The following TPTE2 variants were observed in gnomAD, a reference collection of about 807,000 sequenced individuals.
TPTE2 encodes phosphatidylinositol 3,4,5-trisphosphate 3-phosphatase TPTE2.
Under a neutral mutation model 78.6 loss-of-function variants are expected in TPTE2, and 53 were observed. The observed-to-expected ratio is 0.67, with a 90% CI of 0.54 to 0.85. TPTE2 has a LOEUF of 0.85. Ranked by LOEUF, TPTE2 falls within the 40% of genes least tolerant of loss-of-function variation. The pLI is 0.00. For synonymous variants in TPTE2, 175 were observed against 206.2 expected (o/e 0.85, Z 1.30); for missense variants, 461 against 623.0 (o/e 0.74, Z 2.77).
chr13:19,472,529 T>C (rs1450929450), intron 6 of TPTE2, among the ~76,000 whole-genome samples: 1 of 152,246 alleles, frequency 6.6e-6, no homozygotes, highest in Non-Finnish European at 1.5e-5. Flanking sequence ...TTAATTTCTT[T>C]GTTAAACTTA....
Position 19,486,107 on chromosome 13 carries a change from T to C in TPTE2, c.120-3560A>G, listed in dbSNP as rs1880648536. ...CACGGTTGCTGTGTTTCTAAATTGA[T>C]TTCTATGCATCTGGTGAAAAAGTCA... On this transcript the variant is annotated intron_variant, in intron 3 of 19. Transcript: ENST00000400230. This position sits in a 1 kb window ranked among gnomAD's most constrained non-coding sequence, Gnocchi z 4.3. 6.6e-6 allele frequency among the ~76,000 whole-genome samples: 1 copy of C among 152,186 alleles called. No homozygotes were observed. The highest frequency in any genetic ancestry group is 2.4e-5 in the African/African-American group (1 of 41,436).
chr13:19,537,067 A>T (rs1871255476), upstream of TPTE2, among the ~76,000 whole-genome samples: 1 of 151,800 alleles, frequency 6.6e-6, no homozygotes, highest in Admixed American at 6.6e-5. Flanking sequence ...TGGCCTTCTA[A>T]GGGTTATGCA....
chr13:19,424,983 A>C (rs764282030), exon 19 of TPTE2: 23 of 1,546,124 alleles, frequency 1.5e-5, no homozygotes, highest in Non-Finnish European at 1.9e-5. Context: ...GAACCAGAAG[A>C]AAAATGGACA....
intron 8 of TPTE2, 53 bp downstream of exon 11, chr13:19,465,412 G>C (rs1879203212): frequency 1.2e-6 from 2 of 1,607,524 alleles, no homozygotes; most frequent in Admixed American, 3.4e-5. Context: ...TTGCCAATGG[G>C]TCCCAAAACA....
intron 2 of TPTE2, 147 bp downstream of exon 5, chr13:19,493,301 C>G: frequency 6.9e-6 from 5 of 725,130 alleles, no homozygotes; most frequent in Non-Finnish European, 1.2e-5. Context: ...TTTGTGTACG[C>G]GTGTTGAAGA....
At chr13:19,457,892 C>G (rs930857612) in intron 10 of TPTE2, among the ~76,000 whole-genome samples, 1 of 152,038 alleles carries the variant, frequency 6.6e-6, no homozygotes, top group African/African-American at 2.4e-5. Flanking sequence ...ATAGTTAAGG[C>G]CAAAAATACA....
chr13:19,497,957 G>A (rs1714460453), intron 1 of TPTE2, among the ~76,000 whole-genome samples: 1 of 151,770 alleles, frequency 6.6e-6, no homozygotes, highest in South Asian at 2.1e-4. Context: ...GTGCTTAAAG[G>A]AGCTGACGGA....
the TPTE2 span, among the ~76,000 whole-genome samples, chr13:19,553,099 C>A: frequency 3.3e-5 from 5 of 150,848 alleles, no homozygotes; most frequent in Non-Finnish European, 7.4e-5. Flanking sequence ...CTACTGTTAA[C>A]AACCAAAGAA....
chr13:19,536,330 T>A (rs1379525123), intron 1 of TPTE2, among the ~76,000 whole-genome samples: 1 of 152,170 alleles, frequency 6.6e-6, no homozygotes, highest in African/African-American at 2.4e-5. Flanking sequence ...TAACATATAC[T>A]ATAATTATAA....
intron 10 of TPTE2, 22 bp from the exon 14 acceptor site, chr13:19,451,247 C>T: frequency 6.2e-7 from 1 of 1,613,014 alleles, no homozygotes; most frequent in Non-Finnish European, 8.5e-7. Flanking sequence ...AAACACATAT[C>T]TTACATATTT....
intron 11 of TPTE2, 73 bp downstream of exon 14, chr13:19,451,092 A>G: frequency 6.4e-7 from 1 of 1,561,084 alleles, no homozygotes; most frequent in South Asian, 1.2e-5. Context: ...CAATCTAAAA[A>G]GCAAAATCAT....
At chr13:19,490,960 T>C (rs1345791976) in intron 3 of TPTE2, among the ~76,000 whole-genome samples, 2 of 152,198 alleles carry the variant, frequency 1.3e-5, no homozygotes, top group Non-Finnish European at 2.9e-5. Flanking sequence ...GGGTGACCAA[T>C]GGAATAGGAA....
chr13:19,529,171 G>C (rs1477151081), intron 1 of TPTE2, among the ~76,000 whole-genome samples: 3 of 152,084 alleles, frequency 2.0e-5, no homozygotes, highest in Non-Finnish European at 4.4e-5. Flanking sequence ...TGTAACCCAA[G>C]GCAACTGATA....
At chr13:19,489,164 A>G (rs566690991) in intron 3 of TPTE2, among the ~76,000 whole-genome samples, 87 of 152,320 alleles carry the variant, frequency 5.7e-4, no homozygotes, top group Non-Finnish European at 1.0e-3. Context: ...AACAATTACA[A>G]TAGTAACAAC....
At chr13:19,551,176 A>T in the TPTE2 span, among the ~76,000 whole-genome samples, 1 of 152,242 alleles carries the variant, frequency 6.6e-6, no homozygotes, top group African/African-American at 2.4e-5. Flanking sequence ...GGTACAACTT[A>T]AAAAGGCATT....
chr13:19,549,454 T>C, the TPTE2 span, among the ~76,000 whole-genome samples: 5 of 152,180 alleles, frequency 3.3e-5, no homozygotes, highest in Non-Finnish European at 7.3e-5. Context: ...CACAATGAGA[T>C]ACCACTGCAC....
chr13:19,430,934 G>A (rs913324948), intron 16 of TPTE2, among the ~76,000 whole-genome samples: 5 of 152,008 alleles, frequency 3.3e-5, no homozygotes, highest in East Asian at 3.9e-4. Context: ...CTAAACCAGC[G>A]TGGCCAAGAT....
intron 10 of TPTE2, among the ~76,000 whole-genome samples, chr13:19,462,814 G>A (rs1331372431): frequency 1.3e-5 from 2 of 151,728 alleles, no homozygotes; most frequent in East Asian, 3.9e-4. Flanking sequence ...CAAAGTGCTG[G>A]GATTACAGGT....
At chr13:19,484,143 G>A (rs1378652522) in intron 3 of TPTE2, among the ~76,000 whole-genome samples, 1 of 152,060 alleles carries the variant, frequency 6.6e-6, no homozygotes, top group Non-Finnish European at 1.5e-5. Flanking sequence ...TGTGTCTCCT[G>A]TTTTGGTATA....
Sources: allele counts gnomAD v4.1 joint callset (sites outside exome capture counted in the v4.1 genomes callset), GRCh38; gene constraint gnomAD v4.1.1; non-coding constraint Gnocchi (gnomAD v3.1); transcripts MANE v1.5; gene names NCBI Gene and HGNC (gene_info 2026-07-23, HGNC 2026-07-21).